DCAF6: variants seen among roughly 807,000 people sequenced by gnomAD.
DCAF6 encodes DDB1- and CUL4-associated factor 6.
In DCAF6, 54 loss-of-function variants were observed where a neutral mutation model predicts 125.1. The ratio of observed to expected loss-of-function variants is 0.43; its 90% CI spans 0.35 to 0.54. The LOEUF is 0.54. DCAF6 is among the 20% of genes least tolerant of loss of function. DCAF6 has a pLI of 0.01. For missense variants in DCAF6, 934 were observed against 1,161.7 expected (o/e 0.80, Z 2.85); for synonymous variants, 371 against 390.4 (o/e 0.95, Z 0.58).
upstream of DCAF6, among the ~76,000 whole-genome samples, chr1:167,931,960 C>T (rs993825520): frequency 4.6e-5 from 7 of 152,100 alleles, no homozygotes; most frequent in African/African-American, 1.7e-4. Flanking sequence ...TAACTTTTCC[C>T]ATGAGTCTTC....
chr1:167,929,331 C>T, the DCAF6 span, among the ~76,000 whole-genome samples: 130 of 152,034 alleles, frequency 8.6e-4, 1 homozygote, highest in East Asian at 0.019. Flanking sequence ...TGCACTCCAG[C>T]CTGGGCAATA....
chr1:167,975,742 A>G (rs60001959), intron 4 of DCAF6, among the ~76,000 whole-genome samples: 4,555 of 152,184 alleles, frequency 0.03, 235 homozygotes, highest in African/African-American at 0.1. Flanking sequence ...TTGTGGAGAC[A>G]GGGTTTTGCT....
At position 168,044,807 on chromosome 1, in the gene DCAF6, A is replaced by G. The variant is rs142114912; in HGVS notation, c.1931-93A>G. On this transcript the variant is annotated intron_variant, in intron 15 of 21. Coordinates refer to ENST00000367840, the MANE Select transcript of DCAF6 (RefSeq NM_001198956.2). Reference sequence around the variant, plus strand: ...TCCCCTTATAGAGGAATTAGACATCATATTAGAATGTGTTTGTGAGCTCCT... The same window carrying G: ...TCCCCTTATAGAGGAATTAGACATCGTATTAGAATGTGTTTGTGAGCTCCT... 4 of 1,458,490 alleles carry G rather than the reference A, an allele frequency of 2.7e-6. No homozygotes were observed. The Admixed American group carries it at 5.7e-5, about 21-fold the overall frequency. The allele number at this position is 1,458,490 out of a possible 1,614,324, so 90.3% of individuals were successfully genotyped here.
rs181579812 is a variant in DCAF6 at position 168,027,152 on chromosome 1, T to A, written c.1609+4105T>A. Among the ~76,000 whole-genome samples the A allele has an allele frequency of 9.9e-5, 15 of 152,210 alleles. No individual in the cohort carries two copies. The East Asian group carries it at 2.7e-3, about 27-fold the overall frequency. Reference sequence around the variant, plus strand: ...TGCTTTGACATTGTAGTTTGAGATATGATGTAGTGGAAGCAGAAGCCAGAT... The same window carrying A: ...TGCTTTGACATTGTAGTTTGAGATAAGATGTAGTGGAAGCAGAAGCCAGAT... On this transcript the variant is annotated intron_variant, in intron 12 of 21. Transcript: ENST00000367840.
chr1:167,972,671 A>T (rs1278506478), intron 3 of DCAF6, among the ~76,000 whole-genome samples: 2 of 152,168 alleles, frequency 1.3e-5, no homozygotes, highest in Non-Finnish European at 2.9e-5. Context: ...CTGCTGGTGG[A>T]TTTGATACAG....
chr1:167,994,694 C>T (rs1290177902), intron 7 of DCAF6, among the ~76,000 whole-genome samples: 1 of 152,050 alleles, frequency 6.6e-6, no homozygotes, highest in African/African-American at 2.4e-5. Context: ...AAAATGTTTG[C>T]TTTAACCTGT....
rs200358185 is a variant in DCAF6 at position 168,043,109 on chromosome 1, A to T, written c.1812A>T (p.Ser604=). The part of the protein sequence containing the change: ...GQEESFVPQS[S]VQPPEGDSET... ...AGGAATCTTTCGTCCCACAGAGCTC[A>T]GTGCAACCACCAGAAGGAGACAGTG... is the stretch of plus-strand genomic sequence containing the variant. Residue 604 remains serine (S), a synonymous_variant, in exon 14 of 22, where the codon TCA becomes TCT. Coordinates refer to ENST00000367840, the MANE Select transcript of DCAF6 (RefSeq NM_001198956.2). 3.1e-6 allele frequency: 5 copies of T among 1,612,844 alleles called. No homozygotes were observed. In the South Asian group the frequency reaches 5.5e-5, roughly 18 times the overall value.
Position 168,065,607 on chromosome 1 carries a change from C to T in DCAF6, c.2457C>T (p.Phe819=), listed in dbSNP as rs749416135. 177 of 1,602,382 alleles carry T rather than the reference C, an allele frequency of 1.1e-4. No homozygotes were observed. The highest frequency in any genetic ancestry group is 1.4e-4 in the Non-Finnish European group (165 of 1,173,732). The change falls in exon 19 of 22, where the codon TTC becomes TTT. Residue 819 remains phenylalanine (F), a synonymous_variant. Transcript: ENST00000367840. Reference sequence around the variant, plus strand: ...ACCCTTAGATAAAAGAAGCCAATTTCTGGGGTGCTAACTTTGTAATGAGTG... The same window carrying T: ...ACCCTTAGATAAAAGAAGCCAATTTTTGGGGTGCTAACTTTGTAATGAGTG... ...NSRTMIKEAN[F]WGANFVMSGS...
intron 7 of DCAF6, among the ~76,000 whole-genome samples, chr1:167,994,756 T>C (rs533033823): frequency 2.0e-5 from 3 of 152,336 alleles, no homozygotes; most frequent in African/African-American, 7.2e-5. Flanking sequence ...TATTTTATAA[T>C]GTCCTGTGTT....
At chr1:167,979,096 G>A (rs567074825) in intron 4 of DCAF6, among the ~76,000 whole-genome samples, 1 of 152,026 alleles carries the variant, frequency 6.6e-6, no homozygotes, top group East Asian at 1.9e-4. Context: ...TTTGTCTTTA[G>A]CATTTAGATC....
At chr1:168,037,592 G>A (rs985416895) in intron 12 of DCAF6, among the ~76,000 whole-genome samples, 15 of 151,834 alleles carry the variant, frequency 9.9e-5, no homozygotes, top group African/African-American at 3.6e-4. Flanking sequence ...AGGTGGGGAA[G>A]GTAGCTTTAA....
chr1:168,040,175 T>A (rs1456936395), intron 13 of DCAF6, among the ~76,000 whole-genome samples: 1 of 151,932 alleles, frequency 6.6e-6, no homozygotes, highest in Non-Finnish European at 1.5e-5. Flanking sequence ...CGTATTTATA[T>A]CTAGGGGAAG....
At chr1:167,891,378 C>T in the DCAF6 span, among the ~76,000 whole-genome samples, 9 of 151,528 alleles carry the variant, frequency 5.9e-5, no homozygotes, top group South Asian at 2.1e-4. Flanking sequence ...AGTGTTGGGT[C>T]GGGCGCAGTG....
chr1:167,899,430 G>A, the DCAF6 span: 2 of 1,614,156 alleles, frequency 1.2e-6, no homozygotes, highest in Non-Finnish European at 1.7e-6. Flanking sequence ...CACCTTAACT[G>A]CTCTCTGATC....
chr1:167,966,589 T>C (rs371720331), intron 2 of DCAF6, 40 bp from the exon 3 acceptor site: 1 of 1,293,090 alleles, frequency 7.7e-7, no homozygotes, highest in East Asian at 2.3e-5. Context: ...TTTTCTTTTA[T>C]GTCCAATTTG....
chr1:168,061,650 T>G (rs183014618), intron 17 of DCAF6, among the ~76,000 whole-genome samples: 7 of 152,296 alleles, frequency 4.6e-5, no homozygotes, highest in Non-Finnish European at 7.4e-5. Flanking sequence ...ATTACAGTTG[T>G]GCAGTGAAAA....
At chr1:168,024,421 AT>A (rs1186793915) in intron 12 of DCAF6, among the ~76,000 whole-genome samples, 16 of 152,238 alleles carry the variant, frequency 1.1e-4, no homozygotes, top group Non-Finnish European at 1.2e-4. Context: ...GGTGTGAAAT[AT>A]ATGTAATTTA....
In DCAF6 at chr1:167,977,210, T is replaced by G. The variant is rs375365717; in HGVS notation, c.438+2195T>G. Among the ~76,000 whole-genome samples, 114 of 144,716 alleles carry G rather than the reference T, an allele frequency of 7.9e-4. 1 individual carries two copies. The South Asian group carries it at 0.023, about 29-fold the overall frequency. 94.9% of individuals were successfully genotyped at this position (144,716 alleles called of 152,430 possible). A position where few individuals can be genotyped will look rare whatever the true frequency, so the allele number is the denominator to read the frequency against. ...TGAACCACCGTGCCTGGGCCACAGT[T>G]TTTTTTTTTTTTTTTTACATGAGAG... On this transcript the variant is annotated intron_variant, in intron 4 of 21. Coordinates refer to ENST00000367840, the MANE Select transcript of DCAF6 (RefSeq NM_001198956.2).
chr1:167,868,759 T>G, the DCAF6 span, among the ~76,000 whole-genome samples: 5 of 152,352 alleles, frequency 3.3e-5, no homozygotes, highest in Admixed American at 6.5e-5. Flanking sequence ...ATTAAAAAGA[T>G]GATGAATGAC....
Sources: allele counts gnomAD v4.1 joint callset (sites outside exome capture counted in the v4.1 genomes callset), GRCh38; gene constraint gnomAD v4.1.1; transcripts MANE v1.5; gene names NCBI Gene and HGNC (gene_info 2026-07-23, HGNC 2026-07-21).